LARGE1: variants seen among roughly 807,000 people sequenced by gnomAD.
The protein encoded by LARGE1 is LARGE xylosyl- and glucuronyltransferase 1, also known as xylosyl- and glucuronyltransferase LARGE1.
A neutral mutation model predicts 87.6 loss-of-function variants in LARGE1; 43 were observed. That is an observed-to-expected ratio of 0.49 (90% CI 0.38 to 0.63). LARGE1 has a LOEUF of 0.63. Among genes scored for constraint, LARGE1 ranks in the 30% least tolerant of loss-of-function variants. The probability of loss-of-function intolerance (pLI) is 0.00; values close to 1 mark genes in which losing one functional copy is unlikely to be tolerated. For missense variants in LARGE1, 802 were observed against 1,000.2 expected (o/e 0.80, Z 2.67); for synonymous variants, 434 against 394.6 (o/e 1.10, Z -1.18).
intron 10 of LARGE1, among the ~76,000 whole-genome samples, chr22:33,319,588 G>T (rs1469670365): frequency 6.6e-6 from 1 of 152,102 alleles, no homozygotes; most frequent in Non-Finnish European, 1.5e-5. Flanking sequence ...TAGAGACAGG[G>T]TTTCACTATG....
chr22:33,737,086 C>A (rs1033251477), intron 2 of LARGE1, among the ~76,000 whole-genome samples: 13 of 152,168 alleles, frequency 8.5e-5, no homozygotes, highest in African/African-American at 2.9e-4. Flanking sequence ...GACTGTGGCA[C>A]CCCCACGTAA....
chr22:33,747,147 G>C (rs370555678), intron 2 of LARGE1, among the ~76,000 whole-genome samples: 1 of 152,180 alleles, frequency 6.6e-6, no homozygotes, highest in Admixed American at 6.5e-5. Context: ...ACTCTCTCAG[G>C]TTCCTCTGAA....
At chr22:33,322,613 C>T (rs139396819) in intron 10 of LARGE1, 13 of 152,244 alleles carry the variant, frequency 8.5e-5, no homozygotes, top group South Asian at 2.1e-4. Flanking sequence ...TACTGGTCAA[C>T]GGAGATGCTC....
the LARGE1 span, among the ~76,000 whole-genome samples, chr22:33,078,316 A>G: frequency 6.6e-6 from 1 of 152,218 alleles, no homozygotes; most frequent in East Asian, 1.9e-4. Flanking sequence ...AGTGATAGGC[A>G]TAGCTATAAT....
intron 5 of LARGE1, among the ~76,000 whole-genome samples, chr22:33,584,048 G>T (rs1164647375): frequency 1.3e-5 from 2 of 152,236 alleles, no homozygotes; most frequent in African/African-American, 2.4e-5. Context: ...TTATCAAAAA[G>T]GTATGCCCTT....
chr22:33,268,263 C>A (rs115473853), downstream of LARGE1, among the ~76,000 whole-genome samples: 1,805 of 148,540 alleles, frequency 0.012, 83 homozygotes, highest in African/African-American at 0.04. Flanking sequence ...CCGCAAAAGT[C>A]AAAAATTCTT....
At chr22:33,693,748 C>T (rs1038960925) in intron 2 of LARGE1, among the ~76,000 whole-genome samples, 3 of 152,084 alleles carry the variant, frequency 2.0e-5, no homozygotes, top group African/African-American at 4.8e-5. Context: ...CACTTGAACC[C>T]CGGAGGCGGA....
chr22:33,411,156 C>A (rs778367660), intron 7 of LARGE1, among the ~76,000 whole-genome samples: 2 of 152,158 alleles, frequency 1.3e-5, no homozygotes, highest in Non-Finnish European at 2.9e-5. Context: ...AAACCCCTGA[C>A]CTTGTATGGG....
At chr22:33,372,603 T>C (rs769732481) in intron 9 of LARGE1, among the ~76,000 whole-genome samples, 1 of 151,888 alleles carries the variant, frequency 6.6e-6, no homozygotes, top group Non-Finnish European at 1.5e-5. Flanking sequence ...CATGAGAAAT[T>C]TGTGGGGGAA....
At chr22:33,652,042 C>T (rs897925627) in intron 2 of LARGE1, among the ~76,000 whole-genome samples, 9 of 152,082 alleles carry the variant, frequency 5.9e-5, no homozygotes, top group African/African-American at 1.9e-4. Flanking sequence ...CATGGTGGCA[C>T]GCACCTGTAT....
intron 5 of LARGE1, among the ~76,000 whole-genome samples, chr22:33,591,190 ACT>A (rs1387394513): frequency 2.0e-5 from 3 of 152,096 alleles, no homozygotes; most frequent in Non-Finnish European, 2.9e-5. Flanking sequence ...AAAGAGTGAG[ACT>A]CTGCCTCAAA....
chr22:33,845,391 C>CTCTA (rs1333370333), intron 1 of LARGE1, among the ~76,000 whole-genome samples: 4 of 152,166 alleles, frequency 2.6e-5, no homozygotes, highest in Non-Finnish European at 5.9e-5. Flanking sequence ...TCACCGCAAC[C>CTCTA]TCTACCTCCT....
intron 11 of LARGE1, among the ~76,000 whole-genome samples, chr22:33,255,868 C>T (rs111838861): frequency 0.012 from 1,760 of 152,250 alleles, 10 homozygotes; most frequent in Admixed American, 0.016. Flanking sequence ...AGGTGTTTTG[C>T]TTTTTTGAAG....
chr22:33,622,204 G>T (rs1237197251), intron 4 of LARGE1, among the ~76,000 whole-genome samples: 13 of 152,160 alleles, frequency 8.5e-5, no homozygotes, highest in Admixed American at 3.9e-4. Flanking sequence ...TCAAGGGAGA[G>T]ACCAGGTGGA....
At chr22:33,799,544 G>C (rs893171712) in intron 1 of LARGE1, among the ~76,000 whole-genome samples, 1 of 152,074 alleles carries the variant, frequency 6.6e-6, no homozygotes, top group African/African-American at 2.4e-5. Flanking sequence ...GGGTTCAAGC[G>C]ATTCTCCTGC....
intron 6 of LARGE1, among the ~76,000 whole-genome samples, chr22:33,518,336 T>G (rs1297499190): frequency 6.6e-6 from 1 of 152,218 alleles, no homozygotes; most frequent in Non-Finnish European, 1.5e-5. Context: ...TTGTTTTTGT[T>G]TTGAGACACT....
chr22:33,074,392 C>T, the LARGE1 span, among the ~76,000 whole-genome samples: 10 of 152,044 alleles, frequency 6.6e-5, no homozygotes, highest in Admixed American at 1.3e-4. Flanking sequence ...GTCATTGTTC[C>T]GGCTGGGCGT....
chr22:33,916,174 G>A (rs1285236618), intron 1 of LARGE1, among the ~76,000 whole-genome samples: 4 of 151,948 alleles, frequency 2.6e-5, no homozygotes, highest in Admixed American at 1.3e-4. Context: ...CCAGCTACTC[G>A]GGAGGCTGAG....
chr22:33,183,620 G>GCGCACA (rs1258347691), intron 11 of LARGE1, among the ~76,000 whole-genome samples: 1 of 137,832 alleles, frequency 7.3e-6, no homozygotes, highest in African/African-American at 2.9e-5. Context: ...ACACACACAC[G>GCGCACA]CACACACACA....
Sources: gnomAD v4.1 joint callset for allele counts (sites outside exome capture counted in the v4.1 genomes callset) on GRCh38, gnomAD v4.1.1 for gene constraint, MANE v1.5 for transcripts, NCBI Gene and HGNC (gene_info 2026-07-23, HGNC 2026-07-21) for gene names.